MAGI1: variants seen among roughly 807,000 people sequenced by gnomAD.
The protein encoded by MAGI1 is membrane associated guanylate kinase, WW and PDZ domain containing 1, also known as membrane-associated guanylate kinase, WW and PDZ domain-containing protein 1.
MAGI1 carries 58 observed loss-of-function variants against 139.9 expected under a neutral mutation model. That is an observed-to-expected ratio of 0.41 (90% confidence interval 0.34 to 0.52). MAGI1 has a LOEUF of 0.52. Ranked by LOEUF, MAGI1 falls within the 20% of genes least tolerant of loss-of-function variation. MAGI1 has a pLI of 0.12. For synonymous variants in MAGI1, 812 were observed against 737.9 expected (o/e 1.10, Z -1.63); for missense variants, 1,874 against 1,901.6 (o/e 0.99, Z 0.27).
intron 1 of MAGI1, among the ~76,000 whole-genome samples, chr3:65,750,661 G>C (rs915604316): frequency 2.0e-5 from 3 of 152,114 alleles, no homozygotes; most frequent in Non-Finnish European, 4.4e-5. Flanking sequence ...CCTCACCTGA[G>C]GTAAAATGCT....
At chr3:65,876,797 G>A (rs2060134137) in intron 1 of MAGI1, among the ~76,000 whole-genome samples, 1 of 148,328 alleles carries the variant, frequency 6.7e-6, no homozygotes, top group Admixed American at 6.7e-5. Flanking sequence ...AGGATGGAGT[G>A]CAGTGGCCCA....
intron 1 of MAGI1, among the ~76,000 whole-genome samples, chr3:65,666,165 T>G (rs1044250478): frequency 6.6e-6 from 1 of 152,198 alleles, no homozygotes; most frequent in Non-Finnish European, 1.5e-5. Flanking sequence ...GGATTCACCA[T>G]CAACTCCCTG....
chr3:65,432,538 C>T (rs1377669390), intron 10 of MAGI1, among the ~76,000 whole-genome samples: 4 of 152,294 alleles, frequency 2.6e-5, no homozygotes, highest in South Asian at 2.1e-4. Context: ...GAGGTCCTTT[C>T]GCTAACCTGC....
At chr3:65,979,267 T>C (rs1250020114) in intron 1 of MAGI1, among the ~76,000 whole-genome samples, 1 of 152,116 alleles carries the variant, frequency 6.6e-6, no homozygotes, top group Non-Finnish European at 1.5e-5. Context: ...GGTCATAATA[T>C]ATCTATCTTC....
At chr3:65,449,645 G>A (rs1041175840) in intron 6 of MAGI1, among the ~76,000 whole-genome samples, 5 of 152,000 alleles carry the variant, frequency 3.3e-5, no homozygotes, top group African/African-American at 1.2e-4. Context: ...GGCAGGTGGC[G>A]CTCACCTGTA....
chr3:65,988,139 G>C (rs770883493), intron 1 of MAGI1, among the ~76,000 whole-genome samples: 1 of 152,158 alleles, frequency 6.6e-6, no homozygotes. Flanking sequence ...TTCCAATCAA[G>C]TATGAAAACA....
intron 2 of MAGI1, among the ~76,000 whole-genome samples, chr3:65,552,734 A>C (rs2079901243): frequency 6.6e-6 from 1 of 152,166 alleles, no homozygotes; most frequent in South Asian, 2.1e-4. Context: ...GCCTGTGAAA[A>C]CTGAAATTTG....
At chr3:65,873,941 AAAG>A in intron 1 of MAGI1, 1 of 152,196 alleles carries the variant, frequency 6.6e-6, no homozygotes, top group African/African-American at 2.4e-5. Flanking sequence ...ACCACAAACA[AAAG>A]AAAAAAAATA....
At chr3:65,451,423 A>C (rs2107488208) in intron 6 of MAGI1, among the ~76,000 whole-genome samples, 1 of 152,302 alleles carries the variant, frequency 6.6e-6, no homozygotes, top group Non-Finnish European at 1.5e-5. Flanking sequence ...TGATCTTTGA[A>C]AACTGGTTAT....
At chr3:65,630,073 G>A (rs2084205193) in intron 1 of MAGI1, among the ~76,000 whole-genome samples, 1 of 152,136 alleles carries the variant, frequency 6.6e-6, no homozygotes, top group South Asian at 2.1e-4. Context: ...TTGGTACAGT[G>A]TCCTCTGTAT....
chr3:65,436,625 A>C (rs1228770807), intron 10 of MAGI1, among the ~76,000 whole-genome samples: 1 of 152,110 alleles, frequency 6.6e-6, no homozygotes, highest in Non-Finnish European at 1.5e-5. Context: ...TGTTGGCTAG[A>C]CTCTTGAAAT....
intron 1 of MAGI1, among the ~76,000 whole-genome samples, chr3:65,707,602 A>G (rs1294466571): frequency 1.3e-5 from 2 of 148,668 alleles, no homozygotes; most frequent in Admixed American, 6.7e-5. Flanking sequence ...AGGTGGGAGG[A>G]CTGCTTAAAC....
Position 65,356,796 on chromosome 3 carries a change from T to G in MAGI1, c.3971A>C (p.Glu1324Ala), listed in dbSNP as rs905534482. 1 of 1,611,006 alleles carries G rather than the reference T, an allele frequency of 6.2e-7. No homozygotes were observed. The highest frequency in any genetic ancestry group is 2.2e-5 in the East Asian group (1 of 44,770). The change falls in exon 23 of 23, where the codon GAG becomes GCG. Residue 1324 changes from glutamate to alanine, a missense_variant. Physicochemically the swap from Glu to Ala is moderately radical, Grantham distance 107. Coordinates refer to ENST00000402939, the MANE Select transcript of MAGI1 (RefSeq NM_001033057.2). ...GCTGCGGGTGCCCTCCCTCCGCTTC[T>G]CTGGGGACCGCCTCTTGGGGCCGTT... Reference protein sequence around the residue: ...AANGPKRRSPEKRREGTRSAD... With the variant: ...AANGPKRRSPAKRREGTRSAD...
At chr3:66,036,351 A>C (rs1400913918) in intron 1 of MAGI1, among the ~76,000 whole-genome samples, 3 of 152,162 alleles carry the variant, frequency 2.0e-5, no homozygotes, top group Non-Finnish European at 4.4e-5. Context: ...TTTGAACCTC[A>C]AGCAAAACCT....
chr3:65,558,989 A>C (rs192650473), intron 2 of MAGI1, among the ~76,000 whole-genome samples: 1 of 152,354 alleles, frequency 6.6e-6, no homozygotes, highest in Admixed American at 6.5e-5. Context: ...CTTCTCACAA[A>C]GGAACTAAAG....
chr3:65,751,158 C>A (rs931691), intron 1 of MAGI1, among the ~76,000 whole-genome samples: 1 of 151,860 alleles, frequency 6.6e-6, no homozygotes. Context: ...TGATTAAAAC[C>A]CTAAAACTAG....
intron 1 of MAGI1, among the ~76,000 whole-genome samples, chr3:65,766,849 A>C (rs1459824867): frequency 6.6e-6 from 1 of 152,134 alleles, no homozygotes; most frequent in Admixed American, 6.5e-5. Context: ...AGATCACACC[A>C]CCGCACTCCA....
At chr3:65,552,257 G>GGGGT (rs537066325) in intron 2 of MAGI1, among the ~76,000 whole-genome samples, 3,154 of 116,434 alleles carry the variant, frequency 0.027, 57 homozygotes, top group Non-Finnish European at 0.032. Flanking sequence ...AGTGTGTATA[G>GGGGT]GGGTGTGTGT....
chr3:65,985,139 T>C (rs904358820), intron 1 of MAGI1, among the ~76,000 whole-genome samples: 4 of 152,220 alleles, frequency 2.6e-5, no homozygotes, highest in African/African-American at 7.2e-5. Flanking sequence ...AGGAGCGAGA[T>C]AGCCATGACT....
Sources: allele counts gnomAD v4.1 joint callset (sites outside exome capture counted in the v4.1 genomes callset), GRCh38; gene constraint gnomAD v4.1.1; transcripts MANE v1.5; gene names NCBI Gene and HGNC (gene_info 2026-07-23, HGNC 2026-07-21).